The following BMPR1B variants were observed in gnomAD, a reference collection of about 807,000 sequenced individuals.
The protein encoded by BMPR1B is bone morphogenetic protein receptor type 1B.
Under a neutral mutation model 59.1 loss-of-function variants are expected in BMPR1B, and 12 were observed. The observed-to-expected ratio is 0.20, with a 90% CI of 0.13 to 0.33. BMPR1B has a LOEUF of 0.33. BMPR1B is among the 10% of genes least tolerant of loss of function. BMPR1B has a pLI of 1.00. For synonymous variants in BMPR1B, 237 were observed against 207.3 expected (o/e 1.14, Z -1.23); for missense variants, 550 against 610.9 (o/e 0.90, Z 1.05).
At chr4:94,758,291 G>T (rs1365155930) in intron 1 of BMPR1B, among the ~76,000 whole-genome samples, 6 of 151,176 alleles carry the variant, frequency 4.0e-5, no homozygotes, top group Admixed American at 4.0e-4. Flanking sequence ...TGGCGGCGGC[G>T]GGGAGGGGGT....
At chr4:95,047,935 T>G (rs1007156124) in intron 3 of BMPR1B, among the ~76,000 whole-genome samples, 2 of 152,152 alleles carry the variant, frequency 1.3e-5, no homozygotes, top group African/African-American at 4.8e-5. Context: ...TTTTCAACCC[T>G]TGGGAGCCTG....
intron 1 of BMPR1B, among the ~76,000 whole-genome samples, chr4:94,805,952 T>G (rs1723590403): frequency 6.6e-6 from 1 of 152,188 alleles, no homozygotes; most frequent in Non-Finnish European, 1.5e-5. Context: ...GGAGAAGATT[T>G]TCCATGCAAC....
Position 94,986,288 on chromosome 4 carries a change from G to C in BMPR1B, c.-112-9752G>C, listed in dbSNP as rs367665924. On this transcript the variant is annotated intron_variant, in intron 2 of 12. Transcript: ENST00000515059. ...ATTTCCTCAGCTCAATTGCACCTCT[G>C]TTCTTGCTCAGTCTAGGACTCATAC... 2.6e-4 allele frequency among the ~76,000 whole-genome samples: 39 copies of C among 152,142 alleles called. No individual in the cohort carries two copies. In the South Asian group the frequency reaches 7.3e-3, roughly 28 times the overall value.
At chr4:94,796,050 T>TG (rs1723181185) in intron 1 of BMPR1B, among the ~76,000 whole-genome samples, 1 of 151,494 alleles carries the variant, frequency 6.6e-6, no homozygotes, top group Non-Finnish European at 1.5e-5. Context: ...CTGCAACCTC[T>TG]ACCTCCTGGG....
intron 2 of BMPR1B, among the ~76,000 whole-genome samples, chr4:94,941,790 C>T (rs1223017358): frequency 6.6e-6 from 1 of 152,174 alleles, no homozygotes; most frequent in African/African-American, 2.4e-5. Context: ...CAAAACCTCT[C>T]AGTAAACTTA....
chr4:94,944,529 T>C (rs1729634871), intron 2 of BMPR1B, among the ~76,000 whole-genome samples: 2 of 152,200 alleles, frequency 1.3e-5, no homozygotes, highest in Admixed American at 6.5e-5. Context: ...TGTGTAGACA[T>C]GTATGTGATA....
At chr4:95,011,978 C>T (rs1233877897) in intron 3 of BMPR1B, among the ~76,000 whole-genome samples, 1 of 151,748 alleles carries the variant, frequency 6.6e-6, no homozygotes, top group Non-Finnish European at 1.5e-5. Flanking sequence ...AAGATCCCAC[C>T]ACTGCACTCC....
intron 3 of BMPR1B, among the ~76,000 whole-genome samples, chr4:95,074,061 T>C (rs1728523241): frequency 6.6e-6 from 1 of 152,010 alleles, no homozygotes; most frequent in Non-Finnish European, 1.5e-5. Context: ...TATTATATGA[T>C]GACTTTAATT....
chr4:95,003,274 A>G (rs1477475252), intron 3 of BMPR1B, among the ~76,000 whole-genome samples: 1 of 152,202 alleles, frequency 6.6e-6, no homozygotes, highest in East Asian at 1.9e-4. Context: ...CCAATACTTC[A>G]GCACTTTTAC....
intron 3 of BMPR1B, among the ~76,000 whole-genome samples, chr4:95,074,383 T>C (rs1240630347): frequency 1.3e-5 from 2 of 152,160 alleles, no homozygotes; most frequent in Admixed American, 1.3e-4. Context: ...GAGAAATCTT[T>C]CCTTTCAGTT....
At chr4:95,027,054 T>G (rs1724478701) in intron 3 of BMPR1B, among the ~76,000 whole-genome samples, 1 of 152,030 alleles carries the variant, frequency 6.6e-6, no homozygotes, top group African/African-American at 2.4e-5. Flanking sequence ...TGTGAGCCAC[T>G]ATGCTCAGCC....
rs148720302 is a variant in BMPR1B at position 95,130,723 on chromosome 4, CTTTTTTT to C, written c.779-473_779-467del. On this transcript the variant is annotated intron_variant, in intron 9 of 12. Coordinates refer to ENST00000515059, the MANE Select transcript of BMPR1B (RefSeq NM_001203.3). The stretch of plus-strand genomic sequence containing the variant: ...GGTTTTTTTCTTTTTCTTTTCTTTT[CTTTTTTT>C]TTTTTTTTTTTTTTTTTTGAGATAA... Among the ~76,000 whole-genome samples, 7 of 77,940 alleles carry C rather than the reference CTTTTTTT, an allele frequency of 9.0e-5. No individual in the cohort carries two copies. The East Asian group carries it at 1.3e-3, about 14-fold the overall frequency. 51.1% of individuals were successfully genotyped at this position (77,940 alleles called of 152,430 possible).
intron 2 of BMPR1B, among the ~76,000 whole-genome samples, chr4:94,902,216 TCACACA>T (rs748411550): frequency 0.034 from 2,644 of 77,214 alleles, 73 homozygotes; most frequent in Non-Finnish European, 0.049. Context: ...GAAATTCAAT[TCACACA>T]CACACACACA....
chr4:94,937,139 G>A (rs1021414849), intron 2 of BMPR1B, among the ~76,000 whole-genome samples: 1 of 152,014 alleles, frequency 6.6e-6, no homozygotes, highest in East Asian at 1.9e-4. Flanking sequence ...GTCCCTCATT[G>A]TACTGGCCTG....
At chr4:95,032,405 C>T (rs932300298) in intron 3 of BMPR1B, among the ~76,000 whole-genome samples, 8 of 152,054 alleles carry the variant, frequency 5.3e-5, no homozygotes, top group Non-Finnish European at 1.0e-4. Context: ...AAATTGCTTC[C>T]CAAAGGCCCC....
intron 3 of BMPR1B, among the ~76,000 whole-genome samples, chr4:95,096,811 AATATAAATATATTTATATTTAT>A (rs988335273): frequency 2.8e-5 from 4 of 140,982 alleles, no homozygotes; most frequent in African/African-American, 1.0e-4. Flanking sequence ...AGAATATATA[AATATAAATATATTTATATTTAT>A]ATATAAATAT....
chr4:95,131,898 G>A (rs1391126528), intron 10 of BMPR1B, among the ~76,000 whole-genome samples: 1 of 152,180 alleles, frequency 6.6e-6, no homozygotes, highest in African/African-American at 2.4e-5. Context: ...AAGATAACTT[G>A]CATAGATGTT....
At chr4:94,824,826 T>C (rs952393124) in intron 1 of BMPR1B, among the ~76,000 whole-genome samples, 19 of 152,276 alleles carry the variant, frequency 1.2e-4, no homozygotes, top group Admixed American at 3.3e-4. Context: ...TAATGAAAGT[T>C]ATATATAGTG....
chr4:95,054,189 A>G (rs551238541), intron 3 of BMPR1B, among the ~76,000 whole-genome samples: 2 of 152,138 alleles, frequency 1.3e-5, no homozygotes, highest in South Asian at 4.1e-4. Context: ...TATATGAAGG[A>G]ATATGTGTAA....
Sources: allele counts gnomAD v4.1 joint callset (sites outside exome capture counted in the v4.1 genomes callset), GRCh38; gene constraint gnomAD v4.1.1; transcripts MANE v1.5; gene names NCBI Gene and HGNC (gene_info 2026-07-23, HGNC 2026-07-21).